The following CEMIP2 variants were observed in gnomAD, a reference collection of about 807,000 sequenced individuals.
CEMIP2 encodes the protein cell surface hyaluronidase CEMIP2.
In CEMIP2, 79 loss-of-function variants were observed where a neutral mutation model predicts 146.9. The observed-to-expected ratio is 0.54, with a 90% CI of 0.45 to 0.65. The LOEUF (loss-of-function observed/expected upper bound fraction) is 0.65, where lower values mean the gene tolerates loss of function less well. CEMIP2 is among the 30% of genes least tolerant of loss of function. The pLI is 0.00. For missense variants in CEMIP2, 1,596 were observed against 1,696.2 expected (o/e 0.94, Z 1.04); for synonymous variants, 601 against 606.3 (o/e 0.99, Z 0.13).
intron 18 of CEMIP2, among the ~76,000 whole-genome samples, chr9:71,702,546 A>G (rs1822602642): frequency 6.6e-6 from 1 of 152,154 alleles, no homozygotes; most frequent in Admixed American, 6.5e-5. Context: ...TTTGGTTAGG[A>G]GAACTGTAGA....
At chr9:71,746,478 A>G (rs971506529) in intron 2 of CEMIP2, 137 bp from the exon 3 acceptor site, 27 of 972,452 alleles carry the variant, frequency 2.8e-5, no homozygotes, top group Non-Finnish European at 3.9e-5. Flanking sequence ...TAGAATGGAA[A>G]TCCCACGCCT....
chr9:71,762,419 A>C lies in CEMIP2; in HGVS notation c.-13+5938T>G, dbSNP rs543799879. Among the ~76,000 whole-genome samples the C allele has an allele frequency of 1.4e-4, 21 of 147,720 alleles. 1 individual carries two copies. In the South Asian group the frequency reaches 4.6e-3, roughly 33 times the overall value. ...TTGGATGGCTTGAGCCCAGGAGTTC[A>C]AGACTATAGTGTGCTAGGACTACTA... On this transcript the variant is annotated intron_variant, in intron 1 of 23. Coordinates refer to ENST00000377044, the MANE Select transcript of CEMIP2 (RefSeq NM_013390.3).
chr9:71,735,086 A>C (rs2274698), intron 5 of CEMIP2, 92 bp from the exon 6 acceptor site: 193,137 of 1,438,668 alleles, frequency 0.13, 13,677 homozygotes, highest in Admixed American at 0.17. Flanking sequence ...TTCACAAATC[A>C]AAAGTTAAGA....
In CEMIP2 at chr9:71,730,889, T is replaced by C; in HGVS notation, c.1589A>G (p.His530Arg). 1.2e-6 allele frequency: 2 copies of C among 1,614,192 alleles called. No individual in the cohort carries two copies. The highest frequency in any genetic ancestry group is 1.7e-6 in the Non-Finnish European group (2 of 1,180,032). Residue 530 changes from histidine (H) to arginine (R), a missense_variant, in exon 8 of 24, where the codon CAT becomes CGT. Transcript: ENST00000377044. Reference protein sequence around the residue: ...IMIMKNFTSVHLSYVELKHMG... With the variant: ...IMIMKNFTSVRLSYVELKHMG... The stretch of plus-strand genomic sequence containing the variant: ...GTGTTTCAATTCCACATAAGAAAGA[T>C]GGACTGAAGTAAAATTTTTCATTAT...
chr9:71,689,990 T>A, intron 22 of CEMIP2, 102 bp downstream of exon 22: 2 of 1,424,808 alleles, frequency 1.4e-6, no homozygotes, highest in Non-Finnish European at 1.9e-6. Flanking sequence ...GTGCCCTGAA[T>A]GTCCAGAGAG....
chr9:71,755,488 C>T (rs916899163), intron 1 of CEMIP2, among the ~76,000 whole-genome samples: 3 of 151,762 alleles, frequency 2.0e-5, no homozygotes, highest in Non-Finnish European at 2.9e-5. Flanking sequence ...TTCAAGGTTG[C>T]AGTGAGCCAT....
At position 71,723,136 on chromosome 9, in the gene CEMIP2, GA is replaced by G. The variant is rs33948828; in HGVS notation, c.2179-622del. ...TGGCAGAGAGCATGGAACAGCCAAAGAAAAAAAAAAAAAAAACAAAACCATG... is the reference window on the plus strand; with the variant it reads ...TGGCAGAGAGCATGGAACAGCCAAAGAAAAAAAAAAAAAAACAAAACCATG... On this transcript the variant is annotated intron_variant, in intron 11 of 23. Transcript: ENST00000377044. Among the ~76,000 whole-genome samples, 160 of 104,228 alleles carry G rather than the reference GA, an allele frequency of 1.5e-3. 1 individual carries two copies. The highest frequency in any genetic ancestry group is 3.3e-3 in the African/African-American group (87 of 26,218). 68.4% of individuals were successfully genotyped at this position (104,228 alleles called of 152,430 possible). A position where few individuals can be genotyped will look rare whatever the true frequency, so the allele number is the denominator to read the frequency against.
At chr9:71,687,699 A>G (rs1413681494) in intron 22 of CEMIP2, among the ~76,000 whole-genome samples, 2 of 152,198 alleles carry the variant, frequency 1.3e-5, no homozygotes, top group East Asian at 3.9e-4. Context: ...TTAAAAACAA[A>G]AACAAAAACA....
rs761950665 is a variant in CEMIP2 at position 71,704,687 on chromosome 9, G to A, written c.3102C>T (p.Tyr1034=). 4 of 1,614,132 alleles carry A rather than the reference G, an allele frequency of 2.5e-6. No homozygotes were observed. The highest frequency in any genetic ancestry group is 1.1e-5 in the South Asian group (1 of 91,072). ...CCTTCTCCAGCATGACGACAGGCTG[G>A]TACTGTGGAAAGGCAGCCTTCTGAT... ...GINQKAAFPQ[Y]QPVVMLEKGY... Residue 1034 remains tyrosine, a synonymous_variant, in exon 18 of 24, where the codon TAC becomes TAT. Coordinates refer to ENST00000377044, the MANE Select transcript of CEMIP2 (RefSeq NM_013390.3).
At chr9:71,749,938 T>G in intron 2 of CEMIP2, 105 bp downstream of exon 2, 1 of 915,816 alleles carries the variant, frequency 1.1e-6, no homozygotes, top group Admixed American at 3.0e-5. Context: ...AACTACATAT[T>G]AGTTAGCTAG....
intron 2 of CEMIP2, among the ~76,000 whole-genome samples, chr9:71,747,572 T>G (rs1373558221): frequency 2.0e-5 from 3 of 152,296 alleles, no homozygotes; most frequent in East Asian, 3.9e-4. Context: ...TTATTTAAAC[T>G]CAGCTAAGGT....
At chr9:71,698,766 A>G (rs1456334631) in intron 19 of CEMIP2, among the ~76,000 whole-genome samples, 2 of 152,236 alleles carry the variant, frequency 1.3e-5, no homozygotes, top group Non-Finnish European at 2.9e-5. Context: ...CAAAATGAAC[A>G]GTCCATCCCA....
intron 14 of CEMIP2, among the ~76,000 whole-genome samples, chr9:71,715,625 G>GATATAGATAT: frequency 8.4e-6 from 1 of 119,080 alleles, no homozygotes; most frequent in East Asian, 2.7e-4. Flanking sequence ...TCCCTCTTAA[G>GATATAGATAT]ATATATATAT....
chr9:71,732,153 T>C (rs942706294), intron 7 of CEMIP2, among the ~76,000 whole-genome samples, 198 bp downstream of exon 7: 2 of 152,218 alleles, frequency 1.3e-5, no homozygotes, highest in East Asian at 1.9e-4. Flanking sequence ...TTAAATGGTT[T>C]AACTAGAGGT....
chr9:71,737,920 T>C (rs1470638977), intron 5 of CEMIP2, among the ~76,000 whole-genome samples: 1 of 152,158 alleles, frequency 6.6e-6, no homozygotes, highest in Non-Finnish European at 1.5e-5. Context: ...ACATGCATAA[T>C]ACCCATTCAT....
At chr9:71,768,264 G>A (rs1450814107) in intron 1 of CEMIP2, 93 bp downstream of exon 1, 1 of 150,608 alleles carries the variant, frequency 6.6e-6, no homozygotes, top group Non-Finnish European at 1.5e-5. Context: ...GAAAAGGTGG[G>A]CGAGACCCGG....
intron 10 of CEMIP2, among the ~76,000 whole-genome samples, chr9:71,726,551 C>G (rs1282020381): frequency 6.6e-6 from 1 of 152,098 alleles, no homozygotes; most frequent in Non-Finnish European, 1.5e-5. Flanking sequence ...TAAGACTATT[C>G]TCAAATAATT....
In CEMIP2 at chr9:71,704,722, G is replaced by A. The variant is rs370020649; in HGVS notation, c.3067C>T (p.Arg1023Ter). Reference sequence around the variant, plus strand: ...AAGGCAGCCTTCTGATTAATACCTCGGAGCACCATAGGGTTGGACGGATAC... The same window carrying A: ...AAGGCAGCCTTCTGATTAATACCTCAGAGCACCATAGGGTTGGACGGATAC... ...DEYPSNPMVL[R>*]GINQKAAFPQ... The change falls in exon 18 of 24, where the codon CGA (arginine) becomes TGA (stop). Residue 1023 changes from arginine (R) to a stop codon, truncating the protein, a stop_gained. Transcript: ENST00000377044. LOFTEE classifies it high-confidence loss of function. The A allele has an allele frequency of 9.9e-6, 16 of 1,614,096 alleles. No individual in the cohort carries two copies. Among genetic ancestry groups the A allele is most frequent in the Non-Finnish European group, 1.4e-5 (16 of 1,180,012 alleles).
At chr9:71,768,848 C>T (rs1589178458), upstream of CEMIP2, 2 of 148,662 alleles carry the variant, frequency 1.3e-5, no homozygotes, top group East Asian at 2.1e-4. Flanking sequence ...CGCTCAGCCT[C>T]CGCCGGCCAG....
Sources: gnomAD v4.1 joint callset for allele counts (sites outside exome capture counted in the v4.1 genomes callset) on GRCh38, gnomAD v4.1.1 for gene constraint, MANE v1.5 for transcripts, NCBI Gene and HGNC (gene_info 2026-07-23, HGNC 2026-07-21) for gene names.